The following TJP2 variants were observed in gnomAD, a reference collection of about 807,000 sequenced individuals.
TJP2 encodes Friedreich ataxia region gene X104 (tight junction protein ZO-2).
A neutral mutation model predicts 133.1 loss-of-function variants in TJP2; 91 were observed. The observed-to-expected ratio is 0.68, with a 90% CI of 0.58 to 0.81. TJP2 has a LOEUF of 0.81. Among genes scored for constraint, TJP2 ranks in the 40% least tolerant of loss-of-function variants. The pLI is 0.00. For missense variants in TJP2, 1,541 were observed against 1,565.6 expected (o/e 0.98, Z 0.26); for synonymous variants, 592 against 583.4 (o/e 1.01, Z -0.21).
At chr9:69,200,842 G>A (rs1826934363) in intron 1 of TJP2, among the ~76,000 whole-genome samples, 3 of 152,142 alleles carry the variant, frequency 2.0e-5, no homozygotes, top group Admixed American at 2.0e-4. Flanking sequence ...CTGGAGAGCT[G>A]TTCAGATTTT....
At chr9:69,174,106 C>G (rs1260132232), upstream of TJP2, 9 of 1,179,750 alleles carry the variant, frequency 7.6e-6, no homozygotes, top group Non-Finnish European at 9.4e-6. Context: ...GAGCCCTTCC[C>G]CGGCAGGCGC....
upstream of TJP2, chr9:69,174,266 G>A (rs1168248259): frequency 6.5e-7 from 1 of 1,528,618 alleles, no homozygotes; most frequent in African/African-American, 1.4e-5. Flanking sequence ...CCGGCGGTTG[G>A]GCTGCGGGTC....
intron 4 of TJP2, among the ~76,000 whole-genome samples, chr9:69,219,065 G>T (rs949999984): frequency 6.6e-6 from 1 of 151,976 alleles, no homozygotes; most frequent in Non-Finnish European, 1.5e-5. Flanking sequence ...CGCCTCCTGG[G>T]TTCAAGCGAT....
chr9:69,183,760 A>G (rs777966645), intron 1 of TJP2, among the ~76,000 whole-genome samples: 4 of 152,182 alleles, frequency 2.6e-5, no homozygotes, highest in Non-Finnish European at 5.9e-5. Context: ...TTTTTGAGAC[A>G]GTCTCACTCT....
chr9:69,243,819 A>G (rs1215380777), intron 17 of TJP2, among the ~76,000 whole-genome samples: 1 of 152,154 alleles, frequency 6.6e-6, no homozygotes. Context: ...CTAGCGTGCC[A>G]CTGTTAACCG....
chr9:69,177,549 T>C (rs998171353), intron 1 of TJP2, among the ~76,000 whole-genome samples: 2 of 152,212 alleles, frequency 1.3e-5, no homozygotes, highest in Admixed American at 6.5e-5. Context: ...TATTAAACTT[T>C]TTGAAAAGGC....
In TJP2 at chr9:69,248,970, CAAAAAAAAA is replaced by C. The variant is rs56986564; in HGVS notation, c.2881-393_2881-385del. ...TTTTTTCTTTATGAAATAGAACTAC[CAAAAAAAAA>C]AAAAAAAAAAAGTTCAACAACAACA... On this transcript the variant is annotated intron_variant, in intron 19 of 22. Transcript: ENST00000377245. The C allele has an allele frequency of 8.1e-4, 734 of 911,538 alleles. 1 individual carries two copies. The highest frequency in any genetic ancestry group is 2.9e-3 in the Middle Eastern group (5 of 1,754). 56.5% of individuals were successfully genotyped at this position (911,538 alleles called of 1,614,324 possible).
At chr9:69,166,133 G>A (rs1237047625) in intron 2 of TJP2, among the ~76,000 whole-genome samples, 2 of 151,950 alleles carry the variant, frequency 1.3e-5, no homozygotes. Context: ...TTTTTTTTGA[G>A]GCAGGGTCTT....
intron 1 of TJP2, among the ~76,000 whole-genome samples, chr9:69,201,682 A>G (rs74679727): frequency 0.032 from 4,892 of 152,308 alleles, 128 homozygotes; most frequent in South Asian, 0.077. Flanking sequence ...GTTTTTCACT[A>G]TAGCCAAGAG....
chr9:69,186,518 C>T (rs183989840), intron 1 of TJP2, among the ~76,000 whole-genome samples: 130 of 152,296 alleles, frequency 8.5e-4, no homozygotes, highest in Non-Finnish European at 1.4e-3. Flanking sequence ...ATCTCTTTTT[C>T]TCCAGACTTT....
chr9:69,250,324 G>A (rs1023266146), intron 20 of TJP2, among the ~76,000 whole-genome samples: 2 of 152,058 alleles, frequency 1.3e-5, no homozygotes, highest in African/African-American at 4.8e-5. Flanking sequence ...GGCTGGTCTC[G>A]AACTCCTGGC....
intron 1 of TJP2, among the ~76,000 whole-genome samples, chr9:69,138,761 T>C (rs1355216122): frequency 6.6e-6 from 1 of 150,492 alleles, no homozygotes; most frequent in Admixed American, 6.6e-5. Flanking sequence ...CTACTCAAAA[T>C]ACAAAATTAG....
At chr9:69,249,665 G>A in intron 20 of TJP2, 180 bp downstream of exon 20, 6 of 985,364 alleles carry the variant, frequency 6.1e-6, no homozygotes, top group Non-Finnish European at 7.2e-6. Flanking sequence ...TTAGGGAAGG[G>A]CAAAAAGGAA....
chr9:69,133,582 C>G (rs868227355), intron 1 of TJP2, among the ~76,000 whole-genome samples: 4 of 128,332 alleles, frequency 3.1e-5, no homozygotes, highest in Non-Finnish European at 6.2e-5. Context: ...GACAGGGTCT[C>G]GCTCTGTCAC....
chr9:69,206,671 G>A (rs912958099), intron 1 of TJP2, among the ~76,000 whole-genome samples: 20 of 152,074 alleles, frequency 1.3e-4, no homozygotes, highest in African/African-American at 3.4e-4. Context: ...TCCACCTCCC[G>A]GGTTCGAGCC....
intron 1 of TJP2, among the ~76,000 whole-genome samples, chr9:69,182,046 C>T (rs1266674987): frequency 1.3e-5 from 2 of 152,192 alleles, no homozygotes; most frequent in East Asian, 3.9e-4. Context: ...GAAGGAGGGG[C>T]AGGCCTGCAG....
intron 1 of TJP2, among the ~76,000 whole-genome samples, chr9:69,203,606 G>GGTTTTT (rs1330482251): frequency 1.7e-5 from 1 of 57,584 alleles, no homozygotes; most frequent in Non-Finnish European, 3.7e-5. Flanking sequence ...GCCCAGCCTG[G>GGTTTTT]ATTTTTTTTT....
At chr9:69,228,445 C>G (rs1473157837) in intron 9 of TJP2, among the ~76,000 whole-genome samples, 1 of 152,134 alleles carries the variant, frequency 6.6e-6, no homozygotes, top group Admixed American at 6.5e-5. Context: ...AGTTGTACCC[C>G]AAACCTCAGC....
chr9:69,180,563 A>G (rs1825423842), intron 1 of TJP2, among the ~76,000 whole-genome samples: 1 of 152,172 alleles, frequency 6.6e-6, no homozygotes, highest in Non-Finnish European at 1.5e-5. Context: ...AGCTGAGCAC[A>G]CCTGAGACCC....
Sources: allele counts gnomAD v4.1 joint callset (sites outside exome capture counted in the v4.1 genomes callset), GRCh38; gene constraint gnomAD v4.1.1; transcripts MANE v1.5; gene names NCBI Gene and HGNC (gene_info 2026-07-23, HGNC 2026-07-21).